Variants in UPRT observed in about 807,000 individuals in gnomAD.
UPRT encodes uracil phosphoribosyltransferase homolog, also known as RP11-311P8.3.
A neutral mutation model predicts 22.6 loss-of-function variants in UPRT; 5 were observed. The observed-to-expected ratio is 0.22, with a 90% CI of 0.12 to 0.47. The LOEUF is 0.47. Among genes scored for constraint, UPRT ranks in the 20% least tolerant of loss-of-function variants. The probability of loss-of-function intolerance (pLI) is 0.99; values close to 1 mark genes in which losing one functional copy is unlikely to be tolerated. For missense variants in UPRT, 181 were observed against 239.9 expected (o/e 0.75, Z 1.62); for synonymous variants, 77 against 87.7 (o/e 0.88, Z 0.68).
intron 4 of UPRT, among the ~76,000 whole-genome samples, chrX:75,215,896 C>A: frequency 9.0e-6 from 1 of 111,171 alleles, no homozygotes; most frequent in Admixed American, 9.6e-5. Flanking sequence ...CCTCCCCAAA[C>A]CAAAAGTACC....
intron 2 of UPRT, among the ~76,000 whole-genome samples, chrX:75,162,097 CTTTCT>C (rs1251335624): frequency 1.6e-5 from 1 of 61,104 alleles, no homozygotes; most frequent in Non-Finnish European, 3.2e-5. Flanking sequence ...TAATTTCCTT[CTTTCT>C]TTTCTTTTTT....
chrX:75,182,341 G>C (rs1024104560), intron 4 of UPRT, among the ~76,000 whole-genome samples: 17 of 111,843 alleles, frequency 1.5e-4, no homozygotes, highest in African/African-American at 5.2e-4. Context: ...TTTCTGCCAA[G>C]TATTGGTATG....
At chrX:75,210,193 T>C (rs1342205943) in intron 4 of UPRT, among the ~76,000 whole-genome samples, 1 of 111,523 alleles carries the variant, frequency 9.0e-6, no homozygotes, top group African/African-American at 3.3e-5. Context: ...ATAATCCCAA[T>C]TGGGGTTAGT....
chrX:75,286,370 C>A lies in UPRT; in HGVS notation c.387-7102C>A, dbSNP rs12007015. Among the ~76,000 whole-genome samples, 1,036 of 110,254 alleles carry A rather than the reference C, an allele frequency of 9.4e-3. 15 individuals are homozygous for A. The highest frequency in any genetic ancestry group is 0.031 in the African/African-American group (941 of 30,187). ...GGCAAACCTATGCCCAACTACAACA[C>A]CCAACCTGCCCCTCGCCCCATATGC... On this transcript the variant is annotated intron_variant, in intron 1 of 6. Coordinates refer to ENST00000373383, the MANE Select transcript of UPRT (RefSeq NM_145052.4).
At position 75,251,153 on chromosome X, in the gene UPRT, A is replaced by T. The variant is rs779765566; in HGVS notation, c.-446-39871A>T. 5.4e-5 allele frequency among the ~76,000 whole-genome samples: 6 copies of T among 111,517 alleles called. No individual in the cohort carries two copies. In the East Asian group the frequency reaches 1.7e-3, roughly 32 times the overall value. On this transcript the variant is annotated intron_variant, in intron 4 of 13. Transcript: ENST00000652605. Reference sequence around the variant, plus strand: ...AGCATTCCCTTTGAAAACTGGTACAAGTCAGGGATGCCCTCTCTCACTACT... The same window carrying T: ...AGCATTCCCTTTGAAAACTGGTACATGTCAGGGATGCCCTCTCTCACTACT...
intron 4 of UPRT, among the ~76,000 whole-genome samples, chrX:75,253,725 G>C (rs758603678): frequency 8.9e-6 from 1 of 112,002 alleles, no homozygotes; most frequent in East Asian, 2.8e-4. Context: ...GGACCTGAGA[G>C]ACAATGCAAA....
intron 4 of UPRT, among the ~76,000 whole-genome samples, chrX:75,204,590 T>A (rs1204519931): frequency 8.9e-6 from 1 of 112,019 alleles, no homozygotes; most frequent in Admixed American, 9.4e-5. Flanking sequence ...GAGGGCCTGA[T>A]AGGGAATGTT....
At chrX:75,172,983 C>T (rs2082233274) in intron 4 of UPRT, among the ~76,000 whole-genome samples, 1 of 111,505 alleles carries the variant, frequency 9.0e-6, no homozygotes, top group Non-Finnish European at 1.9e-5. Flanking sequence ...CTTTTATTCT[C>T]TCATCTGGCC....
Position 75,156,790 on chromosome X carries a change from G to A in UPRT, c.-737+240G>A, listed in dbSNP as rs547978214. The A allele has an allele frequency of 4.0e-3, 1,305 of 325,433 alleles. 12 individuals carry two copies. Among genetic ancestry groups the A allele is most frequent in the South Asian group, 0.034 (1,276 of 37,586 alleles). The allele number at this position is 325,433 out of a possible 1,213,427, so 26.8% of individuals were successfully genotyped here. On this transcript the variant is annotated intron_variant, in intron 1 of 13. Coordinates refer to the UPRT transcript ENST00000652605. Reference sequence around the variant, plus strand: ...TTTCCCCTGGGAGGAGGCTTCAGCTGTAAGATTTACTGCTTTTCTGTCCTG... The same window carrying A: ...TTTCCCCTGGGAGGAGGCTTCAGCTATAAGATTTACTGCTTTTCTGTCCTG...
chrX:75,303,611 T>C lies in UPRT; in HGVS notation c.*100T>C, dbSNP rs924385028. 3.0e-6 allele frequency: 2 copies of C among 676,722 alleles called. No homozygotes were observed. The highest frequency in any genetic ancestry group is 4.5e-5 in the African/African-American group (2 of 44,136). 55.8% of individuals were successfully genotyped at this position (676,722 alleles called of 1,213,427 possible). A position where few individuals can be genotyped will look rare whatever the true frequency, so the allele number is the denominator to read the frequency against. Reference sequence around the variant, plus strand: ...CTTGAGGGTGGCAGAGAAAAATGTGTTAAAATGCTTTTTAGTTTTGGAAGT... The same window carrying C: ...CTTGAGGGTGGCAGAGAAAAATGTGCTAAAATGCTTTTTAGTTTTGGAAGT... On this transcript the variant is annotated 3_prime_UTR_variant, in exon 7 of 7. Transcript: ENST00000373383.
intron 4 of UPRT, among the ~76,000 whole-genome samples, chrX:75,185,950 T>C (rs1476814792): frequency 3.6e-5 from 4 of 110,539 alleles, no homozygotes; most frequent in Non-Finnish European, 7.6e-5. Context: ...CTATCAATTT[T>C]GTTGATCCTT....
rs2082622098 is a variant in UPRT, at chrX:75,274,415, G to A, written c.161G>A (p.Gly54Glu). 2 of 1,211,407 alleles carry A rather than the reference G, an allele frequency of 1.7e-6. No individual in the cohort carries two copies. The highest frequency in any genetic ancestry group is 1.8e-5 in the South Asian group (1 of 56,849). Residue 54 changes from glycine to glutamate, a missense_variant, in exon 1 of 7, where the codon GGG (glycine) becomes GAG (glutamate). Physicochemically the swap from Gly to Glu is moderately conservative, Grantham distance 98. Transcript: ENST00000373383. ...AGGGCCAAGGTGATTCTCCTCACGGGGTACGCCCATTCTAGCCTGCCGGCC... is the reference window on the plus strand; with the variant it reads ...AGGGCCAAGGTGATTCTCCTCACGGAGTACGCCCATTCTAGCCTGCCGGCC... ...ASRAKVILLTGYAHSSLPAEL... is the reference protein window; with the variant it reads ...ASRAKVILLTEYAHSSLPAEL...
At chrX:75,177,552 T>A (rs1439500380) in intron 4 of UPRT, among the ~76,000 whole-genome samples, 1 of 111,130 alleles carries the variant, frequency 9.0e-6, no homozygotes, top group Non-Finnish European at 1.9e-5. Flanking sequence ...CCTATAAAGA[T>A]GTTATGCCCT....
chrX:75,254,418 G>C (rs1207232350), intron 4 of UPRT, among the ~76,000 whole-genome samples: 1 of 112,228 alleles, frequency 8.9e-6, no homozygotes, highest in Non-Finnish European at 1.9e-5. Flanking sequence ...AATCAAAGAA[G>C]TAGAAGAAAG....
intron 4 of UPRT, among the ~76,000 whole-genome samples, chrX:75,184,094 T>C (rs1198905472): frequency 8.9e-6 from 1 of 111,939 alleles, no homozygotes; most frequent in Non-Finnish European, 1.9e-5. Context: ...CTGAAGTCCT[T>C]GCCCATGCCT....
chrX:75,175,557 G>A (rs907685977), intron 4 of UPRT, among the ~76,000 whole-genome samples: 2 of 111,726 alleles, frequency 1.8e-5, no homozygotes, highest in African/African-American at 3.3e-5. Context: ...CTCAGTGAGG[G>A]TGATGACATG....
At chrX:75,239,947 A>G (rs2082483126) in intron 4 of UPRT, among the ~76,000 whole-genome samples, 1 of 111,452 alleles carries the variant, frequency 9.0e-6, no homozygotes, top group Non-Finnish European at 1.9e-5. Context: ...GACATACCTT[A>G]AGGTAATAGA....
intron 4 of UPRT, among the ~76,000 whole-genome samples, chrX:75,187,409 C>T (rs976973714): frequency 2.7e-5 from 3 of 111,677 alleles, no homozygotes; most frequent in African/African-American, 9.8e-5. Flanking sequence ...GTCTGATGGG[C>T]TTCCCTTTGA....
chrX:75,259,553 T>A (rs2082560940), intron 4 of UPRT, among the ~76,000 whole-genome samples: 1 of 107,788 alleles, frequency 9.3e-6, no homozygotes, highest in African/African-American at 3.4e-5. Flanking sequence ...GAAAAGAAGA[T>A]CAGAGAAAAG....
Sources: allele counts gnomAD v4.1 joint callset (sites outside exome capture counted in the v4.1 genomes callset), GRCh38; gene constraint gnomAD v4.1.1; transcripts MANE v1.5; gene names NCBI Gene and HGNC (gene_info 2026-07-23, HGNC 2026-07-21).